Variants in CARMIL1 observed in about 807,000 individuals in gnomAD.
The protein encoded by CARMIL1 is capping protein regulator and myosin 1 linker 1, also known as F-actin-uncapping protein LRRC16A.
CARMIL1 carries 90 observed loss-of-function variants against 177.1 expected under a neutral mutation model. The observed-to-expected ratio is 0.51, with a 90% CI of 0.43 to 0.61. CARMIL1 has a LOEUF of 0.61. CARMIL1 is among the 20% of genes least tolerant of loss of function. CARMIL1 has a pLI of 0.00. For missense variants in CARMIL1, 1,380 were observed against 1,667.0 expected, an observed-to-expected ratio of 0.83 and a Z score of 3.00; for synonymous variants, 577 against 606.2, an observed-to-expected ratio of 0.95 and a Z score of 0.71.
At chr6:25,403,278 T>A (rs1316167565) in intron 2 of CARMIL1, among the ~76,000 whole-genome samples, 1 of 152,166 alleles carries the variant, frequency 6.6e-6, no homozygotes. Flanking sequence ...ATGGGCTCCA[T>A]CATCAGTGTA....
In CARMIL1 at chr6:25,581,152, C is replaced by T. The variant is rs535537567; in HGVS notation, c.2810-91C>T. The T allele has an allele frequency of 6.7e-6, 9 of 1,352,654 alleles. No individual in the cohort carries two copies. The Admixed American group carries it at 1.2e-4, about 18-fold the overall frequency. The allele number at this position is 1,352,654 out of a possible 1,614,324, so 83.8% of individuals were successfully genotyped here. On this transcript the variant is annotated intron_variant, in intron 30 of 36. Transcript: ENST00000329474. Reference sequence around the variant, plus strand: ...TGTGTGTTTGCTATTCTATGCTAGACTTAAAATTACTTTTAGGAATTTTTT... The same window carrying T: ...TGTGTGTTTGCTATTCTATGCTAGATTTAAAATTACTTTTAGGAATTTTTT...
chr6:25,391,543 T>A (rs955192925), intron 2 of CARMIL1, among the ~76,000 whole-genome samples: 4 of 152,234 alleles, frequency 2.6e-5, no homozygotes, highest in African/African-American at 9.6e-5. Flanking sequence ...GTCTGGAATT[T>A]GACTTTCTTC....
intron 2 of CARMIL1, among the ~76,000 whole-genome samples, chr6:25,364,113 T>TA (rs1789516741): frequency 6.6e-6 from 1 of 150,714 alleles, no homozygotes; most frequent in Admixed American, 6.6e-5. Context: ...ACCCATAATT[T>TA]AAAAAAAAAT....
At chr6:25,398,509 C>G (rs1316668796) in intron 2 of CARMIL1, among the ~76,000 whole-genome samples, 1 of 152,188 alleles carries the variant, frequency 6.6e-6, no homozygotes, top group Non-Finnish European at 1.5e-5. Flanking sequence ...TAATTACCAA[C>G]TAGCCTGTTA....
intron 35 of CARMIL1, among the ~76,000 whole-genome samples, chr6:25,607,527 CTG>C (rs954522981): frequency 1.3e-5 from 2 of 152,140 alleles, no homozygotes; most frequent in Non-Finnish European, 2.9e-5. Flanking sequence ...GCTGGTGTGT[CTG>C]TGTAGCCGCC....
chr6:25,316,889 G>A (rs1784325372), intron 2 of CARMIL1, among the ~76,000 whole-genome samples: 1 of 152,152 alleles, frequency 6.6e-6, no homozygotes, highest in Non-Finnish European at 1.5e-5. Flanking sequence ...AGTCCTGTTA[G>A]GTTACTAGAA....
chr6:25,533,569 A>G (rs1214896843), intron 24 of CARMIL1, among the ~76,000 whole-genome samples: 1 of 152,160 alleles, frequency 6.6e-6, no homozygotes, highest in African/African-American at 2.4e-5. Flanking sequence ...TACCATCATT[A>G]TTATGGACCA....
chr6:25,432,715 A>G (rs976973330), intron 4 of CARMIL1, among the ~76,000 whole-genome samples: 4 of 152,154 alleles, frequency 2.6e-5, no homozygotes, highest in Admixed American at 1.3e-4. Flanking sequence ...CATCTACCAC[A>G]CATGGATGGA....
intron 2 of CARMIL1, among the ~76,000 whole-genome samples, chr6:25,295,630 G>A (rs9467461): frequency 1.3e-4 from 20 of 152,264 alleles, no homozygotes; most frequent in African/African-American, 4.8e-4. Context: ...TCTTTGCTTG[G>A]ATCCGTGTAT....
Position 25,279,526 on chromosome 6 carries a change from T to G in CARMIL1, c.-270T>G. The G allele has an allele frequency of 1.8e-6, 1 of 540,654 alleles. No homozygotes were observed. The highest frequency in any genetic ancestry group is 3.2e-5 in the East Asian group (1 of 31,744). 33.5% of individuals were successfully genotyped at this position (540,654 alleles called of 1,614,324 possible). A position where few individuals can be genotyped will look rare whatever the true frequency, so the allele number is the denominator to read the frequency against. ...CCCCGCGCCCCGCGCCCGCTTGTAA[T>G]CCGGTCCGCTCCTTATTCAGCCGCC... On this transcript the variant is annotated 5_prime_UTR_variant, in exon 1 of 37. Transcript: ENST00000329474.
At chr6:25,297,187 G>A (rs948118201) in intron 2 of CARMIL1, among the ~76,000 whole-genome samples, 1 of 152,202 alleles carries the variant, frequency 6.6e-6, no homozygotes, top group Non-Finnish European at 1.5e-5. Flanking sequence ...GAAACATTTT[G>A]TACAACTTTG....
chr6:25,516,042 C>T (rs983942240), intron 21 of CARMIL1, among the ~76,000 whole-genome samples, 195 bp downstream of exon 21: 9 of 152,150 alleles, frequency 5.9e-5, no homozygotes, highest in East Asian at 1.9e-4. Flanking sequence ...GTGATTCCTT[C>T]GGTCTGTTGT....
intron 4 of CARMIL1, chr6:25,433,208 T>C (rs1462737532): frequency 1.3e-5 from 2 of 151,532 alleles, no homozygotes; most frequent in African/African-American, 4.8e-5. Flanking sequence ...TTTTTTCTTC[T>C]CTGTCATTCT....
At chr6:25,359,280 A>G (rs1788950265) in intron 2 of CARMIL1, among the ~76,000 whole-genome samples, 1 of 152,184 alleles carries the variant, frequency 6.6e-6, no homozygotes, top group Non-Finnish European at 1.5e-5. Flanking sequence ...GAACTCTTTA[A>G]TGTGCTTTTC....
chr6:25,528,804 T>A lies in CARMIL1; in HGVS notation c.1978T>A (p.Tyr660Asn). ...TGTGCTTTATTTCCAGATAGAAAAC[T>A]ACCTGCTACGAAATCACGAGACTAG... ...TEDALQKIEN[Y>N]LLRNHETRKY... Residue 660 changes from tyrosine to asparagine, a missense_variant, in exon 24 of 37, where the codon TAC becomes AAC. Transcript: ENST00000329474. 1 of 1,602,866 alleles carries A rather than the reference T, an allele frequency of 6.2e-7. No homozygotes were observed. Among genetic ancestry groups the A allele is most frequent in the Non-Finnish European group, 8.5e-7 (1 of 1,174,120 alleles).
intron 26 of CARMIL1, among the ~76,000 whole-genome samples, chr6:25,546,095 T>G (rs1468363915): frequency 6.6e-6 from 1 of 152,158 alleles, no homozygotes; most frequent in Non-Finnish European, 1.5e-5. Flanking sequence ...AGAGTTAGGT[T>G]TATAGATGCT....
At chr6:25,455,682 T>C (rs1047145243) in intron 8 of CARMIL1, among the ~76,000 whole-genome samples, 2 of 152,254 alleles carry the variant, frequency 1.3e-5, no homozygotes, top group African/African-American at 4.8e-5. Context: ...TCTTACACGG[T>C]TCCATTTGTT....
At chr6:25,371,929 A>T (rs901823109) in intron 2 of CARMIL1, among the ~76,000 whole-genome samples, 3 of 152,128 alleles carry the variant, frequency 2.0e-5, no homozygotes, top group African/African-American at 7.2e-5. Flanking sequence ...ATTTTTGTAT[A>T]TGGTGAGAGA....
chr6:25,513,677 G>A (rs1227961439), intron 20 of CARMIL1, among the ~76,000 whole-genome samples: 1 of 152,164 alleles, frequency 6.6e-6, no homozygotes, highest in African/African-American at 2.4e-5. Flanking sequence ...TCAATGTTAA[G>A]TGTTTGAGTA....
Sources: allele counts gnomAD v4.1 joint callset (sites outside exome capture counted in the v4.1 genomes callset), GRCh38; gene constraint gnomAD v4.1.1; transcripts MANE v1.5; gene names NCBI Gene and HGNC (gene_info 2026-07-23, HGNC 2026-07-21).